Variants in SCPEP1 observed in about 807,000 individuals in gnomAD.
SCPEP1 encodes the protein serine carboxypeptidase 1.
Under a neutral mutation model 63.8 loss-of-function variants are expected in SCPEP1, and 51 were observed. The observed-to-expected ratio is 0.80, with a 90% confidence interval of 0.64 to 1.01. SCPEP1 has a LOEUF of 1.01. SCPEP1 is among the 50% of genes least tolerant of loss of function. The pLI, the probability that SCPEP1 is intolerant of heterozygous loss-of-function variation, is 0.00. For synonymous variants in SCPEP1, 204 were observed against 207.8 expected (o/e 0.98, Z 0.16); for missense variants, 499 against 554.9 (o/e 0.90, Z 1.01).
intron 1 of SCPEP1, 146 bp downstream of exon 1, chr17:56,978,381 T>A (rs1598110639): frequency 1.7e-5 from 1 of 58,972 alleles, no homozygotes; most frequent in Non-Finnish European, 3.1e-5. Context: ...AATCTCACTC[T>A]TTTTTTTTTT....
chr17:56,981,886 C>T (rs1026982417), intron 2 of SCPEP1, among the ~76,000 whole-genome samples: 25 of 152,178 alleles, frequency 1.6e-4, no homozygotes, highest in East Asian at 5.8e-4. Context: ...TAGCCTGACC[C>T]TCCCTTCCTC....
chr17:56,995,849 G>A, intron 8 of SCPEP1: 1 of 290,014 alleles, frequency 3.4e-6, no homozygotes, highest in Admixed American at 5.4e-5. Flanking sequence ...AGACTTGCTT[G>A]TCCTTCACTA....
intron 5 of SCPEP1, 68 bp from the exon 6 acceptor site, chr17:56,991,031 C>T: frequency 8.4e-7 from 1 of 1,188,882 alleles, no homozygotes; most frequent in Non-Finnish European, 1.3e-6. Context: ...CTAAGCTTCC[C>T]AAAGTGTTGG....
intron 1 of SCPEP1, among the ~76,000 whole-genome samples, chr17:56,980,856 T>C (rs1911048289): frequency 6.7e-6 from 1 of 149,538 alleles, no homozygotes; most frequent in South Asian, 2.1e-4. Flanking sequence ...TACAGAAAAG[T>C]GTAGAGGAAA....
At chr17:56,998,333 T>G in intron 9 of SCPEP1, 52 bp from the exon 10 acceptor site, 2 of 1,141,896 alleles carry the variant, frequency 1.8e-6, no homozygotes, top group Non-Finnish European at 1.3e-6. Flanking sequence ...AAAGATGTCC[T>G]CTTGGCCTTA....
chr17:56,978,280 C>T (rs778531932), intron 1 of SCPEP1, 45 bp downstream of exon 1: 14 of 1,499,508 alleles, frequency 9.3e-6, no homozygotes, highest in Non-Finnish European at 1.2e-5. Flanking sequence ...CCTCTTTTTT[C>T]TCCAGGCGTG....
At chr17:56,989,242 GAC>G (rs1174153025) in intron 5 of SCPEP1, among the ~76,000 whole-genome samples, 1 of 152,088 alleles carries the variant, frequency 6.6e-6, no homozygotes, top group Non-Finnish European at 1.5e-5. Context: ...GAAAAATGTG[GAC>G]AAGCAATTTG....
At chr17:56,981,000 A>G (rs1255500728) in intron 1 of SCPEP1, 82 bp from the exon 2 acceptor site, 1 of 1,483,644 alleles carries the variant, frequency 6.7e-7, no homozygotes, top group Non-Finnish European at 9.3e-7. Flanking sequence ...TCTCTAGCCT[A>G]GCATGGCTGT....
intron 2 of SCPEP1, chr17:56,984,320 C>G (rs1490353545): frequency 6.6e-6 from 1 of 152,340 alleles, no homozygotes; most frequent in African/African-American, 2.4e-5. Context: ...CTCGCCTCAG[C>G]TGACAGGGCC....
chr17:56,991,237 C>A, intron 6 of SCPEP1, 66 bp downstream of exon 6: 1 of 1,210,212 alleles, frequency 8.3e-7, no homozygotes, highest in Middle Eastern at 1.9e-4. Flanking sequence ...GGACTTTGGG[C>A]TGTGTTGTCC....
chr17:56,990,955 G>T, intron 5 of SCPEP1, 144 bp from the exon 6 acceptor site: 1 of 710,940 alleles, frequency 1.4e-6, no homozygotes. Flanking sequence ...ACTTTTTGTA[G>T]AGATGGGGGT....
At chr17:56,986,429 A>T (rs1460930648) in intron 3 of SCPEP1, among the ~76,000 whole-genome samples, 2 of 151,950 alleles carry the variant, frequency 1.3e-5, no homozygotes, top group African/African-American at 2.4e-5. Flanking sequence ...CATGCTGGTC[A>T]GGCTGGTCTT....
rs941369592 is a variant in SCPEP1 at position 57,002,715 on chromosome 17, A to G, written c.1296+534A>G. ...GAGTGAGACTCTGTCTCAAAAAAGA[A>G]CAAAAATCAACCGGGCACGGTGGCG... On this transcript the variant is annotated intron_variant, in intron 12 of 12. Coordinates refer to ENST00000262288, the MANE Select transcript of SCPEP1 (RefSeq NM_021626.3). Among the ~76,000 whole-genome samples, 5 of 151,996 alleles carry G rather than the reference A, an allele frequency of 3.3e-5. No homozygotes were observed. The South Asian group carries it at 1.0e-3, about 32-fold the overall frequency.
chr17:57,002,188 A>G lies in SCPEP1; in HGVS notation c.1296+7A>G. ...TCTGAAAGCTGGTCATATGGTAAGAAAGAGCTTTTGTTCCAGACTTAAAAA... is the reference window on the plus strand; with the variant it reads ...TCTGAAAGCTGGTCATATGGTAAGAGAGAGCTTTTGTTCCAGACTTAAAAA... On this transcript the variant is annotated splice_region_variant and intron_variant, in intron 12 of 12. Coordinates refer to ENST00000262288, the MANE Select transcript of SCPEP1 (RefSeq NM_021626.3). 6.2e-7 allele frequency: 1 copy of G among 1,611,922 alleles called. No individual in the cohort carries two copies. Among genetic ancestry groups the G allele is most frequent in the Admixed American group, 1.7e-5 (1 of 59,362 alleles).
Position 56,995,745 on chromosome 17 carries a change from T to G in SCPEP1, c.786+110T>G, listed in dbSNP as rs1420597884. 5 of 1,160,348 alleles carry G rather than the reference T, an allele frequency of 4.3e-6. 1 individual carries two copies. In the South Asian group the frequency reaches 9.3e-5, roughly 22 times the overall value. 71.9% of individuals were successfully genotyped at this position (1,160,348 alleles called of 1,614,324 possible). A position where few individuals can be genotyped will look rare whatever the true frequency, so the allele number is the denominator to read the frequency against. ...AGTCTACACTGAGGCTCCCCACATA[T>G]CTGCAAATGATTGCATGCTGGATAA... On this transcript the variant is annotated intron_variant, in intron 8 of 12. Coordinates refer to ENST00000262288, the MANE Select transcript of SCPEP1 (RefSeq NM_021626.3).
chr17:57,001,266 G>T (rs1911733741), intron 11 of SCPEP1, among the ~76,000 whole-genome samples: 1 of 152,128 alleles, frequency 6.6e-6, no homozygotes, highest in Admixed American at 6.6e-5. Context: ...ACAAAACTTA[G>T]ACATTTTCCT....
intron 3 of SCPEP1, among the ~76,000 whole-genome samples, chr17:56,986,535 TG>T (rs1911224720): frequency 7.8e-6 from 1 of 127,832 alleles, no homozygotes; most frequent in Admixed American, 7.5e-5. Flanking sequence ...GGTCTTTCTT[TG>T]TTTTTTTTTT....
intron 1 of SCPEP1, 71 bp from the exon 2 acceptor site, chr17:56,981,011 C>A: frequency 1.3e-6 from 2 of 1,549,122 alleles, no homozygotes; most frequent in South Asian, 1.1e-5. Context: ...GCATGGCTGT[C>A]TCTACCAGGC....
chr17:57,000,705 C>A, intron 10 of SCPEP1, 150 bp from the exon 11 acceptor site: 1 of 867,166 alleles, frequency 1.2e-6, no homozygotes, highest in Non-Finnish European at 1.8e-6. Flanking sequence ...CCAGTCGGCA[C>A]AAATTTCTGG....
Sources: gnomAD v4.1 joint callset for allele counts (sites outside exome capture counted in the v4.1 genomes callset) on GRCh38, gnomAD v4.1.1 for gene constraint, MANE v1.5 for transcripts, NCBI Gene and HGNC (gene_info 2026-07-23, HGNC 2026-07-21) for gene names.